Variants in JAK1 observed in about 807,000 individuals in gnomAD.
JAK1 encodes Janus kinase 1.
A neutral mutation model predicts 136.6 loss-of-function variants in JAK1; 16 were observed. The ratio of observed to expected loss-of-function variants is 0.12; its 90% CI spans 0.08 to 0.18. JAK1 has a LOEUF of 0.18. Among genes scored for constraint, JAK1 ranks in the 10% least tolerant of loss-of-function variants. The pLI, the probability that JAK1 is intolerant of heterozygous loss-of-function variation, is 1.00. For synonymous variants in JAK1, 492 were observed against 519.5 expected (o/e 0.95, Z 0.72); for missense variants, 859 against 1,450.1 (o/e 0.59, Z 6.62).
intron 7 of JAK1, among the ~76,000 whole-genome samples, chr1:64,865,224 G>A (rs536911074): frequency 2.0e-5 from 3 of 152,246 alleles, no homozygotes; most frequent in African/African-American, 7.2e-5. Flanking sequence ...TATATAATAC[G>A]CAATGTGCAC....
intron 2 of JAK1, among the ~76,000 whole-genome samples, chr1:65,016,849 G>C (rs1296248831): frequency 1.3e-5 from 2 of 152,132 alleles, no homozygotes; most frequent in Non-Finnish European, 2.9e-5. Flanking sequence ...AGTGAGCCGA[G>C]ATCGCGCCAC....
chr1:65,058,087 T>C (rs1360191186), intron 1 of JAK1, among the ~76,000 whole-genome samples: 1 of 152,226 alleles, frequency 6.6e-6, no homozygotes, highest in Admixed American at 6.5e-5. Flanking sequence ...TACTGACAAG[T>C]GCCAAGCTGT....
At chr1:65,056,388 G>GT (rs1434397145) in intron 1 of JAK1, among the ~76,000 whole-genome samples, 2 of 152,194 alleles carry the variant, frequency 1.3e-5, no homozygotes, top group Non-Finnish European at 2.9e-5. Flanking sequence ...TCTTTGGGTA[G>GT]AGCAGAGGGA....
At chr1:64,954,540 T>G (rs781181413) in intron 1 of JAK1, among the ~76,000 whole-genome samples, 77 of 152,224 alleles carry the variant, frequency 5.1e-4, no homozygotes, top group Non-Finnish European at 9.1e-4. Context: ...ATTCCCATAT[T>G]GTCCCAAAGC....
At chr1:64,839,450 CAT>C (rs1181660667) in intron 20 of JAK1, 151 bp downstream of exon 20, 2 of 622,348 alleles carry the variant, frequency 3.2e-6, no homozygotes, top group Admixed American at 3.0e-5. Flanking sequence ...AGGGATTTGA[CAT>C]ATGACTTGGA....
At position 64,835,418 on chromosome 1, in the gene JAK1, C is replaced by G. The variant is rs368093469; in HGVS notation, c.3347G>C (p.Cys1116Ser). ...TACCTCATCTGGACAGTTAGGTGGG[C>G]ACGGCAGGCGTTTTCCTTCTTTTAA... ...NTLKEGKRLP[C>S]PPNCPDEVYQ... Residue 1116 changes from cysteine (C) to serine (S), a missense_variant, in exon 24 of 25, where the codon TGC (cysteine) becomes TCC (serine). Physicochemically the swap from Cys to Ser is moderately radical, Grantham distance 112. Transcript: ENST00000342505. 1 of 1,604,868 alleles carries G rather than the reference C, an allele frequency of 6.2e-7. No homozygotes were observed. Among genetic ancestry groups the G allele is most frequent in the African/African-American group, 1.3e-5 (1 of 74,330 alleles).
intron 1 of JAK1, among the ~76,000 whole-genome samples, chr1:64,917,785 G>A (rs1423000468): frequency 1.3e-5 from 2 of 152,106 alleles, no homozygotes; most frequent in Non-Finnish European, 2.9e-5. Context: ...CATTCCTCTT[G>A]ACTCCACTCC....
chr1:64,964,745 G>A (rs927169099), intron 1 of JAK1, among the ~76,000 whole-genome samples: 2 of 152,140 alleles, frequency 1.3e-5, no homozygotes, highest in Non-Finnish European at 2.9e-5. Context: ...TTAAGAAGAG[G>A]TTATGATTAT....
rs554217042 is a variant in JAK1 at position 65,053,045 on chromosome 1, A to G, written c.-180-8463T>C. 6.7e-4 allele frequency among the ~76,000 whole-genome samples: 100 copies of G among 149,202 alleles called. 1 individual carries two copies. The highest frequency in any genetic ancestry group is 1.2e-3 in the Admixed American group (18 of 14,952). ...ACTCTTGTCTCAAAAAAAAAAAAAAAAAAAAAAAAAAGACTAGAGGCTGGG... is the reference window on the plus strand; with the variant it reads ...ACTCTTGTCTCAAAAAAAAAAAAAAGAAAAAAAAAAAGACTAGAGGCTGGG... On this transcript the variant is annotated intron_variant, in intron 1 of 25. Transcript: ENST00000671954.
At chr1:65,057,103 CAGACATG>C (rs1350329584) in intron 1 of JAK1, among the ~76,000 whole-genome samples, 2 of 152,226 alleles carry the variant, frequency 1.3e-5, no homozygotes, top group Middle Eastern at 3.4e-3. Context: ...CTCCCAGATA[CAGACATG>C]AGCCTAGGAT....
chr1:64,983,622 T>C (rs1646570895), intron 2 of JAK1, among the ~76,000 whole-genome samples: 1 of 152,204 alleles, frequency 6.6e-6, no homozygotes. Flanking sequence ...GTGGTGGGGT[T>C]ACTTAAAAAG....
rs1341874079 is a variant in JAK1 at position 64,844,692 on chromosome 1, T to C, written c.2251+62A>G. On this transcript the variant is annotated intron_variant, in intron 16 of 24. Coordinates refer to ENST00000342505, the MANE Select transcript of JAK1 (RefSeq NM_002227.4). The surrounding 1 kb of genome is among the most constrained non-coding windows in gnomAD (Gnocchi z 5.7). ...AAGGAGACCAACCCCAGCCCAGCCC[T>C]TCTCTCTGCTGACTTGCCCCTGACT... 1 of 1,603,950 alleles carries C rather than the reference T, an allele frequency of 6.2e-7. No homozygotes were observed. The highest frequency in any genetic ancestry group is 1.1e-5 in the South Asian group (1 of 90,848).
At chr1:64,888,130 A>G (rs1360842326) in intron 1 of JAK1, among the ~76,000 whole-genome samples, 1 of 152,150 alleles carries the variant, frequency 6.6e-6, no homozygotes, top group Admixed American at 6.5e-5. Flanking sequence ...TCCATTCAGA[A>G]GGGCTACCAT....
intron 13 of JAK1, 78 bp from the exon 14 acceptor site, chr1:64,846,814 A>T: frequency 9.0e-7 from 1 of 1,113,498 alleles, no homozygotes; most frequent in South Asian, 1.3e-5. Flanking sequence ...TTGAGGGGAA[A>T]GCCAGTGGAC....
intron 1 of JAK1, among the ~76,000 whole-genome samples, chr1:64,906,301 G>GAAAAA (rs1255228061): frequency 9.2e-6 from 1 of 108,606 alleles, no homozygotes; most frequent in East Asian, 2.7e-4. Context: ...TCTCAAAAAA[G>GAAAAA]AAAAAAAAAA....
Position 64,834,622 on chromosome 1 carries a change from T to C in JAK1, c.3405A>G (p.Gln1135=), listed in dbSNP as rs369143723. The C allele has an allele frequency of 9.9e-6, 16 of 1,612,434 alleles. No individual in the cohort carries two copies. In the African/African-American group the frequency reaches 1.7e-4, roughly 17 times the overall value. ...TCTGAAAGCTTGTCCGATTGGATGG[T>C]TGGAATTCCCAGCATTTCCTCATAA... ...YQLMRKCWEF[Q]PSNRTSFQNL... is the part of the protein sequence containing the mutation. The change falls in exon 25 of 25, where the codon CAA becomes CAG. Residue 1135 remains glutamine (Q), a synonymous_variant. Transcript: ENST00000342505.
chr1:64,860,743 G>A (rs1173481736), intron 8 of JAK1, among the ~76,000 whole-genome samples: 1 of 151,988 alleles, frequency 6.6e-6, no homozygotes, highest in Non-Finnish European at 1.5e-5. Flanking sequence ...GTGAGCCACT[G>A]TGCCCGATCC....
At chr1:64,989,880 C>T (rs1404256183) in intron 2 of JAK1, 1 of 152,218 alleles carries the variant, frequency 6.6e-6, no homozygotes, top group African/African-American at 2.4e-5. Context: ...GATTCCTAAG[C>T]TCAGTGAAAG....
chr1:64,899,406 G>A (rs1645071520), intron 1 of JAK1, among the ~76,000 whole-genome samples: 1 of 152,136 alleles, frequency 6.6e-6, no homozygotes, highest in Non-Finnish European at 1.5e-5. Context: ...TATAAACTAT[G>A]GGTGACAACT....
Sources: gnomAD v4.1 joint callset for allele counts (sites outside exome capture counted in the v4.1 genomes callset) on GRCh38, gnomAD v4.1.1 for gene constraint, Gnocchi (gnomAD v3.1) non-coding constraint, MANE v1.5 for transcripts, NCBI Gene and HGNC (gene_info 2026-07-23, HGNC 2026-07-21) for gene names.